The following HMCN2 variants were observed in gnomAD, a reference collection of about 807,000 sequenced individuals.
The protein encoded by HMCN2 is hemicentin 2.
Under a neutral mutation model 377.5 loss-of-function variants are expected in HMCN2, and 325 were observed. The ratio of observed to expected loss-of-function variants is 0.86; its 90% CI spans 0.79 to 0.94. The LOEUF (loss-of-function observed/expected upper bound fraction) is 0.94. Among genes scored for constraint, HMCN2 ranks in the 40% least tolerant of loss-of-function variants. The pLI is 0.00. For missense variants in HMCN2, 4,543 were observed against 4,725.3 expected, an observed-to-expected ratio of 0.96 and a Z score of 1.13; for synonymous variants, 2,007 against 2,046.8, an observed-to-expected ratio of 0.98 and a Z score of 0.53.
At chr9:130,336,607 A>G (rs1295269576) in intron 22 of HMCN2, among the ~76,000 whole-genome samples, 1 of 152,114 alleles carries the variant, frequency 6.6e-6, no homozygotes, top group Non-Finnish European at 1.5e-5. Context: ...CCTGGGCTCT[A>G]GAGACCACCA....
At chr9:130,358,187 G>T (rs150027871) in intron 35 of HMCN2, among the ~76,000 whole-genome samples, 199 bp downstream of exon 35, 7 of 152,140 alleles carry the variant, frequency 4.6e-5, no homozygotes, top group East Asian at 3.9e-4. Context: ...AAATGTCAGT[G>T]GGGGGGACAG....
rs1484264099 is a variant in HMCN2, at chr9:130,433,847, G to C, written c.*154G>C. Reference sequence around the variant, plus strand: ...TTGGGTCAACACGACCCTGCGCACAGCCTTGACCCCCGACAGCGAGGACCT... The same window carrying C: ...TTGGGTCAACACGACCCTGCGCACACCCTTGACCCCCGACAGCGAGGACCT... On this transcript the variant is annotated 3_prime_UTR_variant, in exon 98 of 98. Transcript: ENST00000683500. The C allele has an allele frequency of 1.5e-6, 1 of 649,690 alleles. No homozygotes were observed. Among genetic ancestry groups the C allele is most frequent in the African/African-American group, 1.9e-5 (1 of 51,542 alleles). 40.2% of individuals were successfully genotyped at this position (649,690 alleles called of 1,614,324 possible).
At position 130,364,110 on chromosome 9, in the gene HMCN2, A is replaced by G. The variant is rs1840559139; in HGVS notation, c.6233-604A>G. The stretch of plus-strand genomic sequence containing the variant: ...TGCTGGAGTGAAGATGGTGGTTAAT[A>G]CATATTGTATGCCCAAGAGCCCCAC... On this transcript the variant is annotated intron_variant, in intron 40 of 97. Transcript: ENST00000683500. Among the ~76,000 whole-genome samples, 5 of 152,240 alleles carry G rather than the reference A, an allele frequency of 3.3e-5. No individual in the cohort carries two copies. In the South Asian group the frequency reaches 1.0e-3, roughly 32 times the overall value.
intron 15 of HMCN2, among the ~76,000 whole-genome samples, chr9:130,312,504 T>C (rs1252119885): frequency 2.3e-4 from 5 of 21,998 alleles, no homozygotes; most frequent in Non-Finnish European, 2.8e-4. Context: ...TCTTTCTTTC[T>C]GTCCCTCCCT....
Position 130,362,163 on chromosome 9 carries a change from C to T in HMCN2, c.6106C>T (p.Gln2036Ter). 8 of 985,920 alleles carry T rather than the reference C, an allele frequency of 8.1e-6. No homozygotes were observed. The highest frequency in any genetic ancestry group is 9.6e-6 in the Non-Finnish European group (8 of 829,964). The allele number at this position is 985,920 out of a possible 1,614,324, so 61.1% of individuals were successfully genotyped here. The change falls in exon 39 of 98, where the codon CAG becomes TAG. Residue 2036 changes from glutamine (Q) to a stop codon, truncating the protein, a stop_gained and splice_region_variant. Transcript: ENST00000683500. LOFTEE classifies it high-confidence loss of function. ...PVSPAGTPGL[Q>*]VFPGGRVLTL... is the part of the protein sequence containing the mutation. ...GTCCCCTGCAGGGACCCCTGGCCTG[C>T]AGGTCAGTAGGGCTGGGTGGCCCCG...
chr9:130,341,646 G>A (rs1341119702), intron 24 of HMCN2, among the ~76,000 whole-genome samples: 1 of 152,152 alleles, frequency 6.6e-6, no homozygotes, highest in Non-Finnish European at 1.5e-5. Context: ...GACCTGTGGG[G>A]CCCCTGAGTA....
intron 76 of HMCN2, 195 bp from the exon 77 acceptor site, chr9:130,400,588 A>T: frequency 1.3e-4 from 29 of 226,246 alleles, no homozygotes; most frequent in Non-Finnish European, 1.9e-4. Flanking sequence ...TTTTTTTTTT[A>T]AAGAAAAAAA....
intron 54 of HMCN2, among the ~76,000 whole-genome samples, chr9:130,381,533 G>A (rs1219190541): frequency 6.6e-6 from 1 of 152,080 alleles, no homozygotes; most frequent in Non-Finnish European, 1.5e-5. Context: ...CACACCCGGG[G>A]AATTTTTGTA....
chr9:130,392,095 C>T lies in HMCN2; in HGVS notation c.10113C>T (p.Leu3371=), dbSNP rs958411297. 3.0e-6 allele frequency: 3 copies of T among 988,296 alleles called. No homozygotes were observed. Among genetic ancestry groups the T allele is most frequent in the African/African-American group, 1.7e-5 (1 of 57,306 alleles). The allele number at this position is 988,296 out of a possible 1,614,324, so 61.2% of individuals were successfully genotyped here. ...TCCCGCTCTCCCAGCGCACCCTCCT[C>T]CACGGCTCTGGCCACACCCTCAGGT... ...LPLPLSQRTL[L]HGSGHTLRIS... The change falls in exon 66 of 98, where the codon CTC becomes CTT. Residue 3371 remains leucine (L), a synonymous_variant. Transcript: ENST00000683500.
chr9:130,283,193 G>T (rs1554926357), intron 1 of HMCN2, among the ~76,000 whole-genome samples: 1 of 152,016 alleles, frequency 6.6e-6, no homozygotes, highest in African/African-American at 2.4e-5. Context: ...CAGGATCCCC[G>T]GAACGCCAGC....
At chr9:130,397,271 C>T (rs1410765667) in intron 73 of HMCN2, among the ~76,000 whole-genome samples, 2 of 152,246 alleles carry the variant, frequency 1.3e-5, no homozygotes, top group Middle Eastern at 3.4e-3. Context: ...CATCAGATCT[C>T]GTGAGACCCA....
intron 82 of HMCN2, chr9:130,406,758 T>C (rs1240630400): frequency 2.5e-5 from 4 of 157,730 alleles, no homozygotes; most frequent in African/African-American, 4.8e-5. Flanking sequence ...CTTGGGCAGG[T>C]ATAATAGTTC....
intron 15 of HMCN2, among the ~76,000 whole-genome samples, chr9:130,312,444 T>C (rs1019182975): frequency 6.8e-6 from 1 of 147,820 alleles, no homozygotes; most frequent in South Asian, 2.2e-4. Context: ...ATCTGACTTA[T>C]TTGAAGCAGA....
At chr9:130,330,851 C>T (rs946531164) in intron 22 of HMCN2, among the ~76,000 whole-genome samples, 78 of 152,134 alleles carry the variant, frequency 5.1e-4, no homozygotes, top group African/African-American at 1.8e-3. Context: ...CAAAATAGAC[C>T]GGTCATGGTG....
At chr9:130,368,538 G>A in intron 44 of HMCN2, 101 bp downstream of exon 44, 1 of 626,358 alleles carries the variant, frequency 1.6e-6, no homozygotes, top group Non-Finnish European at 2.0e-6. Context: ...GATGGTGTGT[G>A]GTGCAGGCTT....
At chr9:130,378,497 ATGGGGAGGCTGGG>A (rs1433450137) in intron 53 of HMCN2, among the ~76,000 whole-genome samples, 2 of 25,880 alleles carry the variant, frequency 7.7e-5, no homozygotes, top group African/African-American at 1.0e-4. Flanking sequence ...GGAGGCTGGG[ATGGGGAGGCTGGG>A]AAAGAGGCTG....
intron 1 of HMCN2, among the ~76,000 whole-genome samples, chr9:130,269,245 A>T (rs1554920276): frequency 7.2e-6 from 1 of 138,688 alleles, no homozygotes; most frequent in Non-Finnish European, 1.6e-5. Context: ...TTTGCTAATC[A>T]TTGCAAAAGA....
chr9:130,278,006 CCAT>C (rs1230074087), intron 1 of HMCN2, among the ~76,000 whole-genome samples: 1 of 38,706 alleles, frequency 2.6e-5, no homozygotes. Flanking sequence ...ACCACCACCA[CCAT>C]CATCATCACC....
At chr9:130,326,510 C>T (rs1838142075) in intron 21 of HMCN2, among the ~76,000 whole-genome samples, 1 of 152,010 alleles carries the variant, frequency 6.6e-6, no homozygotes. Context: ...GTAAATACGT[C>T]TGGGAGGAGT....
Sources: gnomAD v4.1 joint callset for allele counts (sites outside exome capture counted in the v4.1 genomes callset) on GRCh38, gnomAD v4.1.1 for gene constraint, MANE v1.5 for transcripts, NCBI Gene and HGNC (gene_info 2026-07-23, HGNC 2026-07-21) for gene names.